The following NECTIN1 variants were observed in gnomAD, a reference collection of about 807,000 sequenced individuals.
NECTIN1 encodes nectin cell adhesion molecule 1.
In NECTIN1, 23 loss-of-function variants were observed where a neutral mutation model predicts 48.0. That is an observed-to-expected ratio of 0.48 (90% CI 0.34 to 0.68). NECTIN1 has a LOEUF of 0.68. Among genes scored for constraint, NECTIN1 ranks in the 30% least tolerant of loss-of-function variants. The pLI is 0.01. For synonymous variants in NECTIN1, 270 were observed against 288.9 expected (o/e 0.93, Z 0.66); for missense variants, 591 against 709.9 (o/e 0.83, Z 1.90).
At chr11:119,720,928 T>TC (rs1865818541) in intron 1 of NECTIN1, among the ~76,000 whole-genome samples, 2 of 152,170 alleles carry the variant, frequency 1.3e-5, no homozygotes, top group African/African-American at 4.8e-5. Context: ...CCGTAGTGGC[T>TC]GGCTCTTTCA....
At position 119,673,991 on chromosome 11, in the gene NECTIN1, A is replaced by T. The variant is rs981963729; in HGVS notation, c.1003+1168T>A. 6.6e-6 allele frequency among the ~76,000 whole-genome samples: 1 copy of T among 152,220 alleles called. No homozygotes were observed. Among genetic ancestry groups the T allele is most frequent in the African/African-American group, 2.4e-5 (1 of 41,446 alleles). On this transcript the variant is annotated intron_variant, in intron 5 of 5. Coordinates refer to ENST00000264025, the MANE Select transcript of NECTIN1 (RefSeq NM_002855.5). The surrounding 1 kb of genome is among the most constrained non-coding windows in gnomAD (Gnocchi z 5.8). ...GCCCCTGGGTGAGAGACGTGACAGA[A>T]CGGCTCTGAGGACAGGTAGGCGCAG...
intron 1 of NECTIN1, among the ~76,000 whole-genome samples, chr11:119,717,352 A>G (rs11604978): frequency 0.042 from 6,325 of 152,328 alleles, 436 homozygotes; most frequent in African/African-American, 0.14. Context: ...CCGGCCCAGG[A>G]CACTGATGAC....
intron 1 of NECTIN1, among the ~76,000 whole-genome samples, chr11:119,690,510 T>C (rs986870752): frequency 6.6e-6 from 1 of 152,104 alleles, no homozygotes; most frequent in African/African-American, 2.4e-5. Flanking sequence ...AGTTGAGTTT[T>C]CTCTTGACTT....
chr11:119,689,547 T>A (rs1865216226), intron 1 of NECTIN1, among the ~76,000 whole-genome samples: 2 of 152,200 alleles, frequency 1.3e-5, no homozygotes, highest in South Asian at 4.1e-4. Flanking sequence ...GGTTCAGGCT[T>A]CAGGGTGTGG....
Position 119,677,608 on chromosome 11 carries a change from A to G in NECTIN1, c.680T>C (p.Ile227Thr). 1 of 1,613,454 alleles carries G rather than the reference A, an allele frequency of 6.2e-7. No homozygotes were observed. The highest frequency in any genetic ancestry group is 8.5e-7 in the Non-Finnish European group (1 of 1,180,010). Residue 227 changes from isoleucine to threonine, a missense_variant, in exon 3 of 6, where the codon ATC becomes ACC. Transcript: ENST00000264025. The surrounding 1 kb of genome is among the most constrained non-coding windows in gnomAD (Gnocchi z 5.4). ...REAHQQSLAC[I>T]VNYHMDRFKE... ...GAAGCGGTCCATGTGGTAGTTGACGATGCAGGCCAAGGACTGCTGGTGGGC... is the reference window on the plus strand; with the variant it reads ...GAAGCGGTCCATGTGGTAGTTGACGGTGCAGGCCAAGGACTGCTGGTGGGC...
rs188879065 is a variant in NECTIN1 at position 119,639,032 on chromosome 11, C to T, written c.1152-226G>A. On this transcript the variant is annotated intron_variant, in intron 6 of 7. Transcript: ENST00000341398. The stretch of plus-strand genomic sequence containing the variant: ...CCACCTTTCCCAGGTGTGTCTGCCC[C>T]GGACCCCAGCCCAGCTTGGGATGGG... 5.0e-3 allele frequency among the ~76,000 whole-genome samples: 763 copies of T among 152,188 alleles called. 5 individuals are homozygous for T. The highest frequency in any genetic ancestry group is 8.7e-3 in the Non-Finnish European group (590 of 68,008).
chr11:119,717,266 C>A (rs370664862), intron 1 of NECTIN1, among the ~76,000 whole-genome samples: 1 of 152,174 alleles, frequency 6.6e-6, no homozygotes, highest in Non-Finnish European at 1.5e-5. Flanking sequence ...AGAGGCAGGC[C>A]GGGAGCAGGG....
intron 1 of NECTIN1, among the ~76,000 whole-genome samples, chr11:119,720,339 C>A (rs1425759510): frequency 1.3e-5 from 2 of 152,268 alleles, no homozygotes; most frequent in Non-Finnish European, 2.9e-5. Context: ...GGGGCATGTA[C>A]CCCAGACCAG....
rs899572650 is a variant in NECTIN1 at position 119,664,209 on chromosome 11, C to T, written c.*538G>A. The T allele has an allele frequency of 5.1e-6, 5 of 987,258 alleles. No individual in the cohort carries two copies. The highest frequency in any genetic ancestry group is 1.1e-4 in the East Asian group (1 of 8,802). The allele number at this position is 987,258 out of a possible 1,614,324, so 61.2% of individuals were successfully genotyped here. On this transcript the variant is annotated 3_prime_UTR_variant, in exon 6 of 6. Transcript: ENST00000264025. ...CGCACCCCTCCCCCTACCTCTTGGG[C>T]GCACCAGCTGTCTAGACCCAAGGTC... is the stretch of plus-strand genomic sequence containing the variant.
chr11:119,653,514 A>G (rs1864521849), intron 5 of NECTIN1, among the ~76,000 whole-genome samples: 1 of 152,140 alleles, frequency 6.6e-6, no homozygotes, highest in South Asian at 2.1e-4. Context: ...CCCCTCCAAC[A>G]GGCTGGTGGG....
Position 119,662,185 on chromosome 11 carries a change from G to T in NECTIN1, c.*2562C>A. 1.0e-6 allele frequency: 1 copy of T among 985,462 alleles called. No homozygotes were observed. The highest frequency in any genetic ancestry group is 1.2e-6 in the Non-Finnish European group (1 of 829,938). The allele number at this position is 985,462 out of a possible 1,614,324, so 61.0% of individuals were successfully genotyped here. ...GAAGCTCAGCTCATGCTGTGGGCAT[G>T]AAGGAGAAGCAAAATGTCCTCATCT... On this transcript the variant is annotated 3_prime_UTR_variant, in exon 6 of 6. Coordinates refer to ENST00000264025, the MANE Select transcript of NECTIN1 (RefSeq NM_002855.5). The surrounding 1 kb of genome is among the most constrained non-coding windows in gnomAD (Gnocchi z 5.3).
chr11:119,641,634 T>C (rs1339682565), intron 5 of NECTIN1: 1 of 152,544 alleles, frequency 6.6e-6, no homozygotes, highest in Non-Finnish European at 1.5e-5. Context: ...TGGACGTGCT[T>C]CCTCCAGAGA....
At chr11:119,695,751 G>C (rs1865331442) in intron 1 of NECTIN1, among the ~76,000 whole-genome samples, 2 of 152,150 alleles carry the variant, frequency 1.3e-5, no homozygotes, top group African/African-American at 4.8e-5. Context: ...CTGCATATGT[G>C]GGGGCCGCAT....
chr11:119,681,665 C>G (rs1865062469), intron 1 of NECTIN1, among the ~76,000 whole-genome samples: 1 of 152,182 alleles, frequency 6.6e-6, no homozygotes, highest in Non-Finnish European at 1.5e-5. Context: ...CCTCACCAGG[C>G]AGGGGCAGCC....
intron 5 of NECTIN1, among the ~76,000 whole-genome samples, chr11:119,648,292 G>GTGGTGGTGGTGGTGA: frequency 5.2e-5 from 1 of 19,264 alleles, no homozygotes; most frequent in South Asian, 1.5e-3. Flanking sequence ...GGTGGTGATG[G>GTGGTGGTGGTGGTGA]TGGTGGTGGT....
chr11:119,705,904 A>G (rs1377030831), intron 1 of NECTIN1, among the ~76,000 whole-genome samples: 1 of 150,106 alleles, frequency 6.7e-6, no homozygotes, highest in Non-Finnish European at 1.5e-5. Flanking sequence ...CTGGCAGCCC[A>G]CTCCTTCTCC....
At chr11:119,700,229 GAC>G (rs1865422168) in intron 1 of NECTIN1, among the ~76,000 whole-genome samples, 1 of 152,158 alleles carries the variant, frequency 6.6e-6, no homozygotes, top group South Asian at 2.1e-4. Context: ...CCTTTGGTCT[GAC>G]ACCATTGGCA....
In NECTIN1 at chr11:119,662,313, C is replaced by G. The variant is rs144423873; in HGVS notation, c.*2434G>C. ...TTGGGGCACAGAAAACCTCACATCCCTAGGTCCAAGTGCTGACTCCTGCCT... is the reference window on the plus strand; with the variant it reads ...TTGGGGCACAGAAAACCTCACATCCGTAGGTCCAAGTGCTGACTCCTGCCT... On this transcript the variant is annotated 3_prime_UTR_variant, in exon 6 of 6. Coordinates refer to ENST00000264025, the MANE Select transcript of NECTIN1 (RefSeq NM_002855.5). This position sits in a 1 kb window ranked among gnomAD's most constrained non-coding sequence, Gnocchi z 5.3. 107 of 985,706 alleles carry G rather than the reference C, an allele frequency of 1.1e-4. No homozygotes were observed. Among genetic ancestry groups the G allele is most frequent in the Non-Finnish European group, 1.3e-4 (106 of 829,948 alleles). 61.1% of individuals were successfully genotyped at this position (985,706 alleles called of 1,614,324 possible).
chr11:119,685,028 T>C (rs1261061623), intron 1 of NECTIN1, among the ~76,000 whole-genome samples: 1 of 152,210 alleles, frequency 6.6e-6, no homozygotes, highest in Non-Finnish European at 1.5e-5. Flanking sequence ...ACCCAGTTCT[T>C]GTCCTGGTGC....
Sources: gnomAD v4.1 joint callset for allele counts (sites outside exome capture counted in the v4.1 genomes callset) on GRCh38, gnomAD v4.1.1 for gene constraint, Gnocchi (gnomAD v3.1) non-coding constraint, MANE v1.5 for transcripts, NCBI Gene and HGNC (gene_info 2026-07-23, HGNC 2026-07-21) for gene names.